The following ITPKC variants were observed in gnomAD, a reference collection of about 807,000 sequenced individuals.
ITPKC encodes the protein inositol-trisphosphate 3-kinase C.
In ITPKC, 33 loss-of-function variants were observed where a neutral mutation model predicts 67.1. That is an observed-to-expected ratio of 0.49 (90% confidence interval 0.37 to 0.66). The LOEUF is 0.66. ITPKC is among the 30% of genes least tolerant of loss of function. The pLI is 0.00. For missense variants in ITPKC, 820 were observed against 892.1 expected (o/e 0.92, Z 1.03); for synonymous variants, 341 against 359.8 (o/e 0.95, Z 0.59).
Position 40,740,553 on chromosome 19 carries a change from G to C in ITPKC, c.*993G>C, listed in dbSNP as rs2082322938. 4.8e-6 allele frequency: 1 copy of C among 209,020 alleles called. No homozygotes were observed. 12.9% of individuals were successfully genotyped at this position (209,020 alleles called of 1,614,324 possible). ...CTGCCAGCCAGGACCCTGGCCTGCAGCCTGATCCAAACCAAAGACTGTAGA... is the reference window on the plus strand; with the variant it reads ...CTGCCAGCCAGGACCCTGGCCTGCACCCTGATCCAAACCAAAGACTGTAGA... On this transcript the variant is annotated 3_prime_UTR_variant, in exon 7 of 7. Transcript: ENST00000263370.
intron 3 of ITPKC, among the ~76,000 whole-genome samples, chr19:40,730,994 C>T (rs1173744340): frequency 6.6e-6 from 1 of 151,490 alleles, no homozygotes; most frequent in East Asian, 2.0e-4. Context: ...AGACACCAGT[C>T]ATAAGTTCAG....
chr19:40,730,689 T>C (rs2082266869), intron 3 of ITPKC, among the ~76,000 whole-genome samples: 1 of 152,124 alleles, frequency 6.6e-6, no homozygotes, highest in African/African-American at 2.4e-5. Context: ...TTCTGCCCCC[T>C]GAGTAGCTGG....
At chr19:40,719,665 TTTTGA>T (rs2082212204) in intron 1 of ITPKC, among the ~76,000 whole-genome samples, 1 of 152,020 alleles carries the variant, frequency 6.6e-6, no homozygotes, top group East Asian at 1.9e-4. Flanking sequence ...CATTTCTGTA[TTTTGA>T]GTAGAGACAG....
Position 40,717,893 on chromosome 19 carries a change from A to G in ITPKC, c.758A>G (p.Gln253Arg), listed in dbSNP as rs2082198973. 4.3e-6 allele frequency: 7 copies of G among 1,614,160 alleles called. No individual in the cohort carries two copies. Among genetic ancestry groups the G allele is most frequent in the Non-Finnish European group, 5.9e-6 (7 of 1,180,008 alleles). ...TATACTGATGGCTCCCAGAAAAAAC[A>G]GGATACTGAAGCAGCCAGGAAACAG... ...EPYTDGSQKK[Q>R]DTEAARKQPG... Residue 253 changes from glutamine to arginine, a missense_variant, in exon 1 of 7, where the codon CAG (glutamine) becomes CGG (arginine). This residue lies in a region of ITPKC where 481 missense variants were observed against 470.1 expected (regional missense o/e 1.02). Transcript: ENST00000263370.
rs756904930 is a variant in ITPKC, at chr19:40,736,972, A to G, written c.1675-14A>G. On this transcript the variant is annotated splice_polypyrimidine_tract_variant and intron_variant, in intron 4 of 6. Coordinates refer to ENST00000263370, the MANE Select transcript of ITPKC (RefSeq NM_025194.3). ...AAAGCCCATGACCCTGCCCCTCCAC[A>G]CCCTGCCCTACAGAAGGCAGATGGG... The G allele has an allele frequency of 1.3e-6, 2 of 1,544,984 alleles. No individual in the cohort carries two copies. Among genetic ancestry groups the G allele is most frequent in the Non-Finnish European group, 1.8e-6 (2 of 1,132,960 alleles).
At chr19:40,723,147 G>C (rs1209487517) in intron 1 of ITPKC, among the ~76,000 whole-genome samples, 2 of 152,108 alleles carry the variant, frequency 1.3e-5, no homozygotes, top group African/African-American at 2.4e-5. Flanking sequence ...ATTTTTAGTA[G>C]AGACGGGGTT....
At chr19:40,724,870 C>A (rs888406089) in intron 1 of ITPKC, among the ~76,000 whole-genome samples, 1 of 151,354 alleles carries the variant, frequency 6.6e-6, no homozygotes, top group South Asian at 2.1e-4. Flanking sequence ...ATCACTTGAA[C>A]CTCGGAGGCA....
chr19:40,717,378 G>C lies in ITPKC; in HGVS notation c.243G>C (p.Gly81=), dbSNP rs200776515. ...PERAGLGPAP[G]TESPQAEFWT... ...GGGCCGGCCTCGGGCCTGCGCCGGG[G>C]ACAGAGAGTCCGCAGGCAGAATTCT... is the stretch of plus-strand genomic sequence containing the variant. The change falls in exon 1 of 7, where the codon GGG becomes GGC. Residue 81 remains glycine (G), a synonymous_variant. Transcript: ENST00000263370. 1.9e-6 allele frequency: 3 copies of C among 1,613,038 alleles called. No individual in the cohort carries two copies. Among genetic ancestry groups the C allele is most frequent in the African/African-American group, 1.3e-5 (1 of 75,042 alleles).
Position 40,737,105 on chromosome 19 carries a change from G to T in ITPKC, c.1776+18G>T, listed in dbSNP as rs200036175. ...TCATCCTGGTGAGTGGGACACCCAT[G>T]TCCCAGAATGTAGCAGCTTAAGACA... On this transcript the variant is annotated intron_variant, in intron 5 of 6. Coordinates refer to ENST00000263370, the MANE Select transcript of ITPKC (RefSeq NM_025194.3). 5.1e-4 allele frequency: 744 copies of T among 1,454,832 alleles called. 1 individual carries two copies. The highest frequency in any genetic ancestry group is 6.8e-4 in the Non-Finnish European group (716 of 1,055,216). The allele number at this position is 1,454,832 out of a possible 1,614,324, so 90.1% of individuals were successfully genotyped here.
chr19:40,729,922 C>T (rs1055486951), intron 3 of ITPKC, among the ~76,000 whole-genome samples: 24 of 152,238 alleles, frequency 1.6e-4, no homozygotes, highest in African/African-American at 5.3e-4. Flanking sequence ...TAAACCATTC[C>T]GATGGGTTTG....
intron 4 of ITPKC, among the ~76,000 whole-genome samples, chr19:40,735,702 C>G (rs1409401205): frequency 6.6e-6 from 1 of 152,192 alleles, no homozygotes; most frequent in Non-Finnish European, 1.5e-5. Flanking sequence ...TCTGCCCCCT[C>G]ATCTGACTGT....
At chr19:40,719,246 C>T (rs577189083) in intron 1 of ITPKC, among the ~76,000 whole-genome samples, 91 of 152,262 alleles carry the variant, frequency 6.0e-4, no homozygotes, top group African/African-American at 2.1e-3. Context: ...GAGAGACAGA[C>T]CTGCCTTGAC....
intron 1 of ITPKC, 26 bp from the exon 2 acceptor site, chr19:40,725,314 A>G: frequency 6.6e-7 from 1 of 1,524,140 alleles, no homozygotes; most frequent in Non-Finnish European, 9.1e-7. Context: ...CTTGGCCCTG[A>G]CCCCACCCTG....
chr19:40,717,298 G>A lies in ITPKC; in HGVS notation c.163G>A (p.Gly55Arg), dbSNP rs185356090. ...GAGAPAGRPEGGGPWARTEGS... is the reference protein window; with the variant it reads ...GAGAPAGRPERGGPWARTEGS... ...AGGGGCCCCGGCGGGGCGGCCGGAG[G>A]GGGGCGGGCCCTGGGCCCGGACAGA... The change falls in exon 1 of 7, where the codon GGG becomes AGG. Residue 55 changes from glycine (G) to arginine (R), a missense_variant. Physicochemically the swap from Gly to Arg is moderately radical, Grantham distance 125. Coordinates refer to ENST00000263370, the MANE Select transcript of ITPKC (RefSeq NM_025194.3). 6 of 1,493,166 alleles carry A rather than the reference G, an allele frequency of 4.0e-6. No homozygotes were observed. The highest frequency in any genetic ancestry group is 4.9e-5 in the Admixed American group (2 of 41,082). 92.5% of individuals were successfully genotyped at this position (1,493,166 alleles called of 1,614,324 possible). A position where few individuals can be genotyped will look rare whatever the true frequency, so the allele number is the denominator to read the frequency against.
chr19:40,729,290 G>A lies in ITPKC; in HGVS notation c.1344G>A (p.Pro448=), dbSNP rs562478696. 6.8e-6 allele frequency: 11 copies of A among 1,614,128 alleles called. No homozygotes were observed. Among genetic ancestry groups the A allele is most frequent in the African/African-American group, 5.3e-5 (4 of 75,054 alleles). ...QRSLEQLMKD[P]LRPFVPAYYG... is the part of the protein sequence containing the mutation. Reference sequence around the variant, plus strand: ...GCCTGGAGCAGCTGATGAAAGACCCGCTGCGACCTTTCGTGCCTGCCTACT... The same window carrying A: ...GCCTGGAGCAGCTGATGAAAGACCCACTGCGACCTTTCGTGCCTGCCTACT... The change falls in exon 3 of 7, where the codon CCG becomes CCA. Residue 448 remains proline (P), a synonymous_variant. Coordinates refer to ENST00000263370, the MANE Select transcript of ITPKC (RefSeq NM_025194.3).
At chr19:40,733,650 GC>G (rs1163156446) in intron 4 of ITPKC, among the ~76,000 whole-genome samples, 1 of 152,146 alleles carries the variant, frequency 6.6e-6, no homozygotes, top group Non-Finnish European at 1.5e-5. Context: ...GGGCATCCTG[GC>G]CCTGGTCTCC....
At position 40,739,677 on chromosome 19, in the gene ITPKC, A is replaced by G. The variant is rs1326635543; in HGVS notation, c.*117A>G. On this transcript the variant is annotated 3_prime_UTR_variant, in exon 7 of 7. Coordinates refer to ENST00000263370, the MANE Select transcript of ITPKC (RefSeq NM_025194.3). ...GAGCTGGCCTCCAGGGACGGGAGAGATTGTGTCATGTGCCACACGAGACCA... is the reference window on the plus strand; with the variant it reads ...GAGCTGGCCTCCAGGGACGGGAGAGGTTGTGTCATGTGCCACACGAGACCA... The G allele has an allele frequency of 3.4e-6, 3 of 886,530 alleles. No individual in the cohort carries two copies. The highest frequency in any genetic ancestry group is 5.1e-6 in the Non-Finnish European group (3 of 583,412). The allele number at this position is 886,530 out of a possible 1,614,324, so 54.9% of individuals were successfully genotyped here. A position where few individuals can be genotyped will look rare whatever the true frequency, so the allele number is the denominator to read the frequency against.
In ITPKC at chr19:40,717,372, G is replaced by T. The variant is rs1443272170; in HGVS notation, c.237G>T (p.Ala79=). The part of the protein sequence containing the change: ...SEPERAGLGP[A]PGTESPQAEF... Reference sequence around the variant, plus strand: ...CTGAGAGGGCCGGCCTCGGGCCTGCGCCGGGGACAGAGAGTCCGCAGGCAG... The same window carrying T: ...CTGAGAGGGCCGGCCTCGGGCCTGCTCCGGGGACAGAGAGTCCGCAGGCAG... Residue 79 remains alanine, a synonymous_variant, in exon 1 of 7, where the codon GCG becomes GCT. Coordinates refer to ENST00000263370, the MANE Select transcript of ITPKC (RefSeq NM_025194.3). 3.7e-6 allele frequency: 6 copies of T among 1,612,640 alleles called. No homozygotes were observed. Among genetic ancestry groups the T allele is most frequent in the Admixed American group, 1.7e-5 (1 of 59,986 alleles).
chr19:40,720,179 A>G (rs1294639458), intron 1 of ITPKC, among the ~76,000 whole-genome samples: 1 of 151,966 alleles, frequency 6.6e-6, no homozygotes, highest in Admixed American at 6.6e-5. Context: ...CAGCCTGGCC[A>G]ACATGATGAA....
Sources: gnomAD v4.1 joint callset for allele counts (sites outside exome capture counted in the v4.1 genomes callset) on GRCh38, gnomAD v4.1.1 for gene constraint, gnomAD v4.1.1 regional missense constraint, MANE v1.5 for transcripts, NCBI Gene and HGNC (gene_info 2026-07-23, HGNC 2026-07-21) for gene names.